Variants in HSPA4 observed in about 807,000 individuals in gnomAD.
The protein encoded by HSPA4 is heat shock protein family A (Hsp70) member 4.
In HSPA4, 25 loss-of-function variants were observed where a neutral mutation model predicts 106.2. The ratio of observed to expected loss-of-function variants is 0.24; its 90% confidence interval spans 0.17 to 0.33. The LOEUF (loss-of-function observed/expected upper bound fraction) is 0.33, where lower values mean the gene tolerates loss of function less well. Among genes scored for constraint, HSPA4 ranks in the 10% least tolerant of loss-of-function variants. The pLI is 1.00. For synonymous variants in HSPA4, 332 were observed against 333.6 expected, an observed-to-expected ratio of 1.00 and a Z score of 0.05; for missense variants, 841 against 996.0, an observed-to-expected ratio of 0.84 and a Z score of 2.10.
chr5:133,065,564 G>A (rs183128219), intron 2 of HSPA4, among the ~76,000 whole-genome samples: 137 of 152,342 alleles, frequency 9.0e-4, no homozygotes, highest in African/African-American at 3.3e-3. Context: ...TCTGTTTAAT[G>A]CAAACTGCCA....
intron 1 of HSPA4, among the ~76,000 whole-genome samples, chr5:133,053,213 A>G (rs565870814): frequency 6.6e-6 from 1 of 151,888 alleles, no homozygotes; most frequent in African/African-American, 2.4e-5. Context: ...CAGGTCTTTC[A>G]CTGGTTACAG....
At chr5:133,068,679 G>A (rs1388734324) in intron 3 of HSPA4, among the ~76,000 whole-genome samples, 1 of 152,152 alleles carries the variant, frequency 6.6e-6, no homozygotes, top group Non-Finnish European at 1.5e-5. Flanking sequence ...GTTTGAATGG[G>A]ATAGTAAAAG....
chr5:133,076,734 T>C lies in HSPA4; in HGVS notation c.744T>C (p.Phe248=), dbSNP rs764086091. ...TAGTAAATCACTTCTGTGAAGAATTTGGGAAGAAATACAAGCTAGACATTA... is the reference window on the plus strand; with the variant it reads ...TAGTAAATCACTTCTGTGAAGAATTCGGGAAGAAATACAAGCTAGACATTA... The part of the protein sequence containing the change: ...EVLVNHFCEE[F]GKKYKLDIKS... The change falls in exon 7 of 19, where the codon TTT becomes TTC. Residue 248 remains phenylalanine (F), a synonymous_variant. Transcript: ENST00000304858. 2.7e-5 allele frequency: 44 copies of C among 1,613,784 alleles called. No homozygotes were observed. Among genetic ancestry groups the C allele is most frequent in the Middle Eastern group, 3.3e-4 (2 of 6,082 alleles).
chr5:133,069,802 A>C (rs1765358343), intron 3 of HSPA4, among the ~76,000 whole-genome samples: 1 of 152,174 alleles, frequency 6.6e-6, no homozygotes, highest in African/African-American at 2.4e-5. Context: ...TTGTCTTTGC[A>C]AAGGAAGTTG....
intron 1 of HSPA4, among the ~76,000 whole-genome samples, chr5:133,063,976 A>C (rs1216383041): frequency 6.7e-6 from 1 of 148,296 alleles, no homozygotes; most frequent in Non-Finnish European, 1.5e-5. Context: ...TGGCCTGGCT[A>C]GTCTCGAACT....
chr5:133,056,070 C>CTT (rs1457768819), intron 1 of HSPA4, among the ~76,000 whole-genome samples: 2 of 152,124 alleles, frequency 1.3e-5, no homozygotes, highest in African/African-American at 4.8e-5. Context: ...GAGCGAGACT[C>CTT]TGTCTCAAAA....
intron 10 of HSPA4, 46 bp downstream of exon 10, chr5:133,089,207 T>C (rs370631866): frequency 9.4e-7 from 1 of 1,066,982 alleles, no homozygotes. Context: ...TAATTGACTA[T>C]TAGGTCTGAG....
chr5:133,066,990 G>A (rs1188278267), intron 2 of HSPA4, among the ~76,000 whole-genome samples: 1 of 152,056 alleles, frequency 6.6e-6, no homozygotes, highest in Admixed American at 6.6e-5. Context: ...GGGATTACAG[G>A]CGTGAGCCAT....
chr5:133,054,414 G>T (rs903311610), intron 1 of HSPA4, among the ~76,000 whole-genome samples: 1 of 152,114 alleles, frequency 6.6e-6, no homozygotes, highest in African/African-American at 2.4e-5. Context: ...ATGTTGGCCA[G>T]GGTGGGCTCG....
In HSPA4 at chr5:133,067,446, A is replaced by G. The variant is rs1244425246; in HGVS notation, c.195A>G (p.Gln65=). 4 of 1,613,414 alleles carry G rather than the reference A, an allele frequency of 2.5e-6. No homozygotes were observed. The highest frequency in any genetic ancestry group is 2.2e-5 in the East Asian group (1 of 44,868). Residue 65 remains glutamine, a synonymous_variant, in exon 3 of 19, where the codon CAA becomes CAG. Transcript: ENST00000304858. The part of the protein sequence containing the change: ...QVISNAKNTV[Q]GFKRFHGRAF... ...TTTCTAATGCAAAGAACACAGTCCA[A>G]GGATTTAAAAGATTCCATGGCCGAG... is the stretch of plus-strand genomic sequence containing the variant.
At chr5:133,078,450 C>T (rs1000648729) in intron 7 of HSPA4, among the ~76,000 whole-genome samples, 12 of 151,550 alleles carry the variant, frequency 7.9e-5, no homozygotes, top group African/African-American at 2.4e-4. Flanking sequence ...GCCTAGCCAA[C>T]GAGGTGAAAC....
At chr5:133,056,409 T>C (rs1191454307) in intron 1 of HSPA4, among the ~76,000 whole-genome samples, 2 of 152,142 alleles carry the variant, frequency 1.3e-5, no homozygotes, top group African/African-American at 4.8e-5. Flanking sequence ...TGGAGTGCAT[T>C]GTTGCGGTCA....
intron 3 of HSPA4, among the ~76,000 whole-genome samples, chr5:133,069,787 C>T (rs1475571492): frequency 6.6e-6 from 1 of 152,164 alleles, no homozygotes; most frequent in African/African-American, 2.4e-5. Flanking sequence ...GTGAGCTACA[C>T]TGATTTGTCT....
intron 14 of HSPA4, 125 bp from the exon 15 acceptor site, chr5:133,097,036 G>C: frequency 1.5e-6 from 1 of 651,812 alleles, no homozygotes; most frequent in Non-Finnish European, 2.5e-6. Flanking sequence ...ACTTACCTTT[G>C]TTATGTGACT....
Position 133,052,240 on chromosome 5 carries a change from T to A in HSPA4, c.-11T>A. ...CGGACCCGGGCCCGAGCCCGAGCAG[T>A]AGCCGGCGCCATGTCGGTGGTGGGC... On this transcript the variant is annotated 5_prime_UTR_variant, in exon 1 of 19. Transcript: ENST00000304858. 6.4e-7 allele frequency: 1 copy of A among 1,570,856 alleles called. No individual in the cohort carries two copies. The highest frequency in any genetic ancestry group is 8.6e-7 in the Non-Finnish European group (1 of 1,161,104).
chr5:133,053,328 C>CTTTTTTTTTTTT (rs58722769), intron 1 of HSPA4, among the ~76,000 whole-genome samples: 12 of 129,246 alleles, frequency 9.3e-5, no homozygotes, highest in Non-Finnish European at 1.6e-4. Context: ...GGTCTCTCTT[C>CTTTTTTTTTTTT]TTTTTTTTTT....
At chr5:133,099,697 G>T in intron 16 of HSPA4, 45 bp downstream of exon 16, 1 of 1,050,560 alleles carries the variant, frequency 9.5e-7, no homozygotes, top group Non-Finnish European at 1.5e-6. Context: ...CCTTGTTGAA[G>T]CTTCCTCTGA....
chr5:133,055,013 A>G (rs550268943), intron 1 of HSPA4, among the ~76,000 whole-genome samples: 40 of 152,334 alleles, frequency 2.6e-4, no homozygotes, highest in Non-Finnish European at 5.0e-4. Context: ...TAGAAAGACA[A>G]TAGCTACAAC....
intron 13 of HSPA4, among the ~76,000 whole-genome samples, chr5:133,093,886 G>A (rs1357389934): frequency 6.6e-6 from 1 of 152,094 alleles, no homozygotes; most frequent in African/African-American, 2.4e-5. Context: ...CTTGGGGTCA[G>A]GAGTGAGACC....
Sources: allele counts gnomAD v4.1 joint callset (sites outside exome capture counted in the v4.1 genomes callset), GRCh38; gene constraint gnomAD v4.1.1; transcripts MANE v1.5; gene names NCBI Gene and HGNC (gene_info 2026-07-23, HGNC 2026-07-21).